CNTNAP2: variants seen among roughly 807,000 people sequenced by gnomAD.
The protein encoded by CNTNAP2 is contactin-associated protein-like 2.
CNTNAP2 carries 98 observed loss-of-function variants against 155.2 expected under a neutral mutation model. The observed-to-expected ratio is 0.63, with a 90% CI of 0.54 to 0.75. The LOEUF is 0.75. Ranked by LOEUF, CNTNAP2 falls within the 30% of genes least tolerant of loss-of-function variation. The probability of loss-of-function intolerance (pLI) is 0.00; values close to 1 mark genes in which losing one functional copy is unlikely to be tolerated. For synonymous variants in CNTNAP2, 651 were observed against 631.2 expected (o/e 1.03, Z -0.47); for missense variants, 1,727 against 1,688.1 (o/e 1.02, Z -0.40).
chr7:147,011,444 AGGAAC>A (rs1798622175), intron 3 of CNTNAP2, among the ~76,000 whole-genome samples: 10 of 127,764 alleles, frequency 7.8e-5, no homozygotes, highest in Non-Finnish European at 1.4e-4. Flanking sequence ...AAAAAAAAAA[AGGAAC>A]AAGGTTGTGA....
chr7:146,565,057 A>G (rs973496898), intron 1 of CNTNAP2, among the ~76,000 whole-genome samples: 6 of 151,944 alleles, frequency 3.9e-5, no homozygotes, highest in Non-Finnish European at 5.9e-5. Context: ...CTTTCACTCT[A>G]AGGCTTATTA....
chr7:147,211,057 C>CATGT (rs1238879350), intron 8 of CNTNAP2, among the ~76,000 whole-genome samples: 14 of 149,660 alleles, frequency 9.4e-5, no homozygotes, highest in African/African-American at 3.2e-4. Context: ...TATGGCTGAA[C>CATGT]ATGTGGTCAG....
At chr7:146,389,572 T>G (rs1055010303) in intron 1 of CNTNAP2, among the ~76,000 whole-genome samples, 1 of 151,846 alleles carries the variant, frequency 6.6e-6, no homozygotes, top group Non-Finnish European at 1.5e-5. Context: ...TAAGAGCTTT[T>G]TCTTGTTTGT....
chr7:146,619,679 A>G (rs1000099709), intron 1 of CNTNAP2, among the ~76,000 whole-genome samples: 3 of 152,186 alleles, frequency 2.0e-5, no homozygotes, highest in African/African-American at 7.2e-5. Context: ...AGCGTGTGAA[A>G]CAAGTGGGTA....
chr7:147,808,901 G>A (rs1310789712), intron 13 of CNTNAP2, among the ~76,000 whole-genome samples: 1 of 152,180 alleles, frequency 6.6e-6, no homozygotes, highest in Non-Finnish European at 1.5e-5. Flanking sequence ...CTCAAAGGCA[G>A]GCAGTAGGAT....
chr7:147,494,246 G>A (rs1161269052), intron 11 of CNTNAP2, among the ~76,000 whole-genome samples: 1 of 151,932 alleles, frequency 6.6e-6, no homozygotes, highest in African/African-American at 2.4e-5. Context: ...TCTATCTTTT[G>A]GCCACAACCA....
chr7:146,508,897 C>T (rs1265897496), intron 1 of CNTNAP2, among the ~76,000 whole-genome samples: 2 of 152,170 alleles, frequency 1.3e-5, no homozygotes, highest in African/African-American at 4.8e-5. Context: ...ACCACTGGGG[C>T]CCTTTTGTCC....
chr7:146,639,372 C>A (rs181624518), intron 1 of CNTNAP2, among the ~76,000 whole-genome samples: 54 of 152,250 alleles, frequency 3.5e-4, no homozygotes, highest in African/African-American at 1.2e-3. Context: ...GAACACACAC[C>A]CCATGCCACA....
At chr7:147,991,562 G>A (rs1487115879) in intron 15 of CNTNAP2, among the ~76,000 whole-genome samples, 1 of 151,750 alleles carries the variant, frequency 6.6e-6, no homozygotes, top group South Asian at 2.1e-4. Context: ...TGAATCTGAT[G>A]ATTATCTTTA....
chr7:146,629,310 C>A (rs1009203599), intron 1 of CNTNAP2, among the ~76,000 whole-genome samples: 2 of 152,090 alleles, frequency 1.3e-5, no homozygotes, highest in African/African-American at 4.8e-5. Flanking sequence ...AATGTAATGT[C>A]TTTGTCATAA....
intron 13 of CNTNAP2, among the ~76,000 whole-genome samples, chr7:147,724,645 A>G (rs1487474033): frequency 6.6e-6 from 1 of 152,078 alleles, no homozygotes; most frequent in Non-Finnish European, 1.5e-5. Flanking sequence ...TGTGCATAAT[A>G]CATATGATAA....
intron 3 of CNTNAP2, among the ~76,000 whole-genome samples, chr7:146,852,601 A>G (rs1794899614): frequency 6.6e-6 from 1 of 152,154 alleles, no homozygotes; most frequent in Non-Finnish European, 1.5e-5. Context: ...GAGATATAGT[A>G]ATTATTTATT....
chr7:146,439,748 G>A (rs951807848), intron 1 of CNTNAP2, among the ~76,000 whole-genome samples: 1 of 151,358 alleles, frequency 6.6e-6, no homozygotes, highest in Non-Finnish European at 1.5e-5. Flanking sequence ...ACTTTAGAGA[G>A]GTACTTAAAA....
At chr7:148,380,276 C>T (rs1011679374) in intron 21 of CNTNAP2, among the ~76,000 whole-genome samples, 1 of 152,208 alleles carries the variant, frequency 6.6e-6, no homozygotes, top group Non-Finnish European at 1.5e-5. Flanking sequence ...TATAGAGTAA[C>T]ATACTTTACT....
chr7:148,064,382 T>C (rs369825777), intron 15 of CNTNAP2, among the ~76,000 whole-genome samples: 12 of 152,088 alleles, frequency 7.9e-5, no homozygotes, highest in African/African-American at 2.7e-4. Flanking sequence ...TTTCCATTTG[T>C]TTGTGCTATC....
At chr7:146,433,971 T>C (rs923052895) in intron 1 of CNTNAP2, among the ~76,000 whole-genome samples, 1 of 152,112 alleles carries the variant, frequency 6.6e-6, no homozygotes, top group Non-Finnish European at 1.5e-5. Context: ...AAGAAAATAA[T>C]GGTCTTGACT....
At chr7:147,301,606 G>C (rs867951981) in intron 9 of CNTNAP2, among the ~76,000 whole-genome samples, 3,692 of 125,182 alleles carry the variant, frequency 0.029, 77 homozygotes, top group African/African-American at 0.066. Flanking sequence ...GTGTGTGTGT[G>C]TGTGTGTGTG....
chr7:146,651,301 A>G (rs1799907137), intron 1 of CNTNAP2, among the ~76,000 whole-genome samples: 2 of 152,190 alleles, frequency 1.3e-5, no homozygotes, highest in South Asian at 4.1e-4. Flanking sequence ...GAGGAAAAAC[A>G]TAGGATCATA....
chr7:148,118,421 G>T, intron 16 of CNTNAP2, 133 bp downstream of exon 16: 1 of 983,668 alleles, frequency 1.0e-6, no homozygotes, highest in South Asian at 1.4e-5. Flanking sequence ...GACTAGAGGT[G>T]GACACACAAG....
Sources: gnomAD v4.1 joint callset for allele counts (sites outside exome capture counted in the v4.1 genomes callset) on GRCh38, gnomAD v4.1.1 for gene constraint, MANE v1.5 for transcripts, NCBI Gene and HGNC (gene_info 2026-07-23, HGNC 2026-07-21) for gene names.